Variants in POU2AF1 observed in about 807,000 individuals in gnomAD.
The protein encoded by POU2AF1 is POU domain class 2-associating factor 1.
Under a neutral mutation model 26.3 loss-of-function variants are expected in POU2AF1, and 12 were observed. The ratio of observed to expected loss-of-function variants is 0.46; its 90% CI spans 0.29 to 0.74. The LOEUF (loss-of-function observed/expected upper bound fraction) is 0.74, where lower values mean the gene tolerates loss of function less well. Among genes scored for constraint, POU2AF1 ranks in the 30% least tolerant of loss-of-function variants. The probability of loss-of-function intolerance (pLI) is 0.09; values close to 1 mark genes in which losing one functional copy is unlikely to be tolerated. For missense variants in POU2AF1, 297 were observed against 334.5 expected (o/e 0.89, Z 0.87); for synonymous variants, 175 against 148.0 (o/e 1.18, Z -1.32).
intron 1 of POU2AF1, among the ~76,000 whole-genome samples, chr11:111,361,038 G>C (rs767590197): frequency 5.3e-5 from 8 of 151,824 alleles, no homozygotes; most frequent in Admixed American, 3.9e-4. Context: ...AGAATCTCCC[G>C]ATAACATCCC....
intron 1 of POU2AF1, among the ~76,000 whole-genome samples, chr11:111,367,192 T>C (rs1223724877): frequency 6.6e-6 from 1 of 152,134 alleles, no homozygotes; most frequent in Admixed American, 6.5e-5. Context: ...CCTCCCTTCC[T>C]CTGAGCCTCC....
intron 1 of POU2AF1, among the ~76,000 whole-genome samples, chr11:111,373,480 G>T (rs1036938495): frequency 1.3e-5 from 2 of 152,184 alleles, no homozygotes; most frequent in Non-Finnish European, 1.5e-5. Context: ...TAAAAACACT[G>T]CCCTAAGCAG....
intron 1 of POU2AF1, among the ~76,000 whole-genome samples, chr11:111,362,764 T>TGGA (rs546909607): frequency 2.6e-5 from 4 of 151,978 alleles, no homozygotes; most frequent in African/African-American, 9.7e-5. Context: ...TGGGGTTACT[T>TGGA]GGGGGGGTCT....
At chr11:111,358,627 TTCTC>T (rs141438046) in intron 2 of POU2AF1, among the ~76,000 whole-genome samples, 157 bp downstream of exon 2, 5 of 145,646 alleles carry the variant, frequency 3.4e-5, no homozygotes, top group Admixed American at 1.3e-4. Context: ...CAGATACACA[TTCTC>T]TCTCACACTA....
chr11:111,354,373 A>G lies in POU2AF1; in HGVS notation c.659T>C (p.Met220Thr), dbSNP rs1860800108. Residue 220 changes from methionine to threonine, a missense_variant, in exon 5 of 5, where the codon ATG becomes ACG. By Grantham distance (81) the Met-to-Thr change is moderately conservative. Coordinates refer to ENST00000393067, the MANE Select transcript of POU2AF1 (RefSeq NM_006235.3). ...GCTGGCGGCTCTTCTGGGGTCTTCC[A>G]TGTCCTGAAGGACTGGCTCTGGGAT... The part of the protein sequence containing the change: ...ISIPEPVLQD[M>T]EDPRRAASSL... The G allele has an allele frequency of 6.2e-7, 1 of 1,614,062 alleles. No homozygotes were observed.
Position 111,379,244 on chromosome 11 carries a change from G to A in POU2AF1, c.-67C>T. On this transcript the variant is annotated 5_prime_UTR_variant, in exon 1 of 5. Transcript: ENST00000393067. Reference sequence around the variant, plus strand: ...GTTTGGCTTCTTTAATGTGAGACCGGGGTGTGTTTTCCTCCAGTGGAGCCA... The same window carrying A: ...GTTTGGCTTCTTTAATGTGAGACCGAGGTGTGTTTTCCTCCAGTGGAGCCA... The A allele has an allele frequency of 1.2e-6, 2 of 1,604,468 alleles. No individual in the cohort carries two copies. Among genetic ancestry groups the A allele is most frequent in the Non-Finnish European group, 1.7e-6 (2 of 1,171,262 alleles).
chr11:111,372,051 C>CAGAGAGAGAGAGAGAG (rs1374875953), intron 1 of POU2AF1, among the ~76,000 whole-genome samples: 2 of 101,664 alleles, frequency 2.0e-5, no homozygotes, highest in African/African-American at 7.9e-5. Flanking sequence ...CACACACACA[C>CAGAGAGAGAGAGAGAG]ACACACACAC....
chr11:111,377,986 A>T (rs1861342005), intron 1 of POU2AF1: 1 of 167,178 alleles, frequency 6.0e-6, no homozygotes, highest in Non-Finnish European at 1.3e-5. Flanking sequence ...GATATCAAAC[A>T]ATGGTGGGTC....
chr11:111,379,163 T>G lies in POU2AF1; in HGVS notation c.15A>C (p.Lys5Asn), dbSNP rs1205166369. 1 of 1,613,926 alleles carries G rather than the reference T, an allele frequency of 6.2e-7. No homozygotes were observed. Among genetic ancestry groups the G allele is most frequent in the Middle Eastern group, 1.7e-4 (1 of 6,056 alleles). MLWQ[K>N]PTAPEQAPAP... ...GACAGCCACAGCCAAACCACTTACG[T>G]TTTTGCCAGAGCATGGCCTGTGACA... Residue 5 changes from lysine to asparagine, a missense_variant and splice_region_variant, in exon 1 of 5, where the codon AAA (lysine) becomes AAC (asparagine). By Grantham distance (94) the Lys-to-Asn change is moderately conservative. Coordinates refer to ENST00000393067, the MANE Select transcript of POU2AF1 (RefSeq NM_006235.3).
At position 111,352,788 on chromosome 11, in the gene POU2AF1, G is replaced by A. The variant is rs981665814; in HGVS notation, c.*1473C>T. 1 of 167,794 alleles carries A rather than the reference G, an allele frequency of 6.0e-6. No homozygotes were observed. The highest frequency in any genetic ancestry group is 1.3e-5 in the Non-Finnish European group (1 of 77,228). The allele number at this position is 167,794 out of a possible 1,614,324, so 10.4% of individuals were successfully genotyped here. On this transcript the variant is annotated 3_prime_UTR_variant, in exon 5 of 5. Transcript: ENST00000393067. ...GTCTCTACTAAAAATACAAAAATTA[G>A]CCAGGCATGGTGGCATGCACCTGTA... is the stretch of plus-strand genomic sequence containing the variant.
At chr11:111,355,596 G>T (rs11213850) in intron 4 of POU2AF1, among the ~76,000 whole-genome samples, 79,733 of 151,922 alleles carry the variant, frequency 0.52, 22,443 homozygotes, top group Non-Finnish European at 0.63. Flanking sequence ...ACCTCCTGGG[G>T]ATCTTGTTAG....
intron 2 of POU2AF1, among the ~76,000 whole-genome samples, chr11:111,358,564 ACACTCACACACT>A (rs1860927884): frequency 6.7e-6 from 1 of 149,628 alleles, no homozygotes; most frequent in African/African-American, 2.5e-5. Flanking sequence ...TCACATGCAT[ACACTCACACACT>A]CACACTCCCT....
intron 1 of POU2AF1, 88 bp downstream of exon 1, chr11:111,379,074 C>CA: frequency 1.3e-6 from 2 of 1,576,250 alleles, no homozygotes; most frequent in Non-Finnish European, 1.7e-6. Flanking sequence ...TCACCTCCAC[C>CA]ACCAGCTCCC....
intron 2 of POU2AF1, among the ~76,000 whole-genome samples, chr11:111,358,432 ACACT>A (rs1447714178): frequency 2.1e-5 from 2 of 94,556 alleles, no homozygotes; most frequent in Non-Finnish European, 4.7e-5. Context: ...TCACACTCTC[ACACT>A]CACTCTCACA....
At chr11:111,362,235 G>A (rs1293394236) in intron 1 of POU2AF1, among the ~76,000 whole-genome samples, 3 of 152,100 alleles carry the variant, frequency 2.0e-5, no homozygotes, top group Non-Finnish European at 4.4e-5. Context: ...TTGGATACGG[G>A]CATGCAATGC....
At chr11:111,375,711 T>C (rs1565368566) in intron 1 of POU2AF1, among the ~76,000 whole-genome samples, 1 of 152,268 alleles carries the variant, frequency 6.6e-6, no homozygotes, top group East Asian at 1.9e-4. Flanking sequence ...ATACTGAGTA[T>C]CTTAAGGAAA....
At chr11:111,374,389 C>A (rs959984689) in intron 1 of POU2AF1, among the ~76,000 whole-genome samples, 27 of 152,180 alleles carry the variant, frequency 1.8e-4, no homozygotes, top group African/African-American at 6.3e-4. Context: ...ATTCTACTTG[C>A]CCTTAACAGC....
chr11:111,359,352 A>G (rs1860961105), intron 1 of POU2AF1: 1 of 227,410 alleles, frequency 4.4e-6, no homozygotes. Flanking sequence ...CTGACACAAG[A>G]CAAATGCAAC....
At chr11:111,376,421 G>A (rs755769147) in intron 1 of POU2AF1, among the ~76,000 whole-genome samples, 1 of 152,164 alleles carries the variant, frequency 6.6e-6, no homozygotes, top group African/African-American at 2.4e-5. Flanking sequence ...AACCCAGGGA[G>A]AGAATCTACA....
Sources: gnomAD v4.1 joint callset for allele counts (sites outside exome capture counted in the v4.1 genomes callset) on GRCh38, gnomAD v4.1.1 for gene constraint, MANE v1.5 for transcripts, NCBI Gene and HGNC (gene_info 2026-07-23, HGNC 2026-07-21) for gene names.